The following SP4 variants were observed in gnomAD, a reference collection of about 807,000 sequenced individuals.
SP4 encodes transcription factor Sp4.
SP4 carries 19 observed loss-of-function variants against 72.8 expected under a neutral mutation model. That is an observed-to-expected ratio of 0.26 (90% CI 0.18 to 0.38). SP4 has a LOEUF of 0.38. Among genes scored for constraint, SP4 ranks in the 10% least tolerant of loss-of-function variants. SP4 has a pLI of 1.00. For synonymous variants in SP4, 395 were observed against 333.1 expected, an observed-to-expected ratio of 1.19 and a Z score of -2.02; for missense variants, 1,008 against 926.3, an observed-to-expected ratio of 1.09 and a Z score of -1.14.
chr7:21,507,074 A>G (rs907604175), intron 5 of SP4, among the ~76,000 whole-genome samples: 24 of 152,082 alleles, frequency 1.6e-4, no homozygotes, highest in African/African-American at 5.8e-4. Context: ...TTCTCTTCCT[A>G]TGAATAGGAT....
At chr7:21,495,207 A>G (rs1785077774) in intron 5 of SP4, among the ~76,000 whole-genome samples, 2 of 152,168 alleles carry the variant, frequency 1.3e-5, no homozygotes, top group South Asian at 4.1e-4. Context: ...CGAAAGTGTA[A>G]TCCATAAAAG....
intron 3 of SP4, among the ~76,000 whole-genome samples, chr7:21,461,505 C>A (rs57450186): frequency 6.6e-6 from 1 of 152,112 alleles, no homozygotes; most frequent in Non-Finnish European, 1.5e-5. Flanking sequence ...TGCCGGGGGC[C>A]AGCAGGGCCG....
chr7:21,509,042 T>C (rs1407942915), intron 5 of SP4, among the ~76,000 whole-genome samples: 1 of 152,152 alleles, frequency 6.6e-6, no homozygotes, highest in East Asian at 1.9e-4. Context: ...TCTATTTCAA[T>C]TTTTTTCTTC....
At chr7:21,428,631 C>T (rs1782712680) in intron 1 of SP4, 46 bp from the exon 2 acceptor site, 1 of 1,502,652 alleles carries the variant, frequency 6.7e-7, no homozygotes, top group Non-Finnish European at 9.0e-7. Context: ...AATAATAATC[C>T]TAATAACCTG....
At chr7:21,455,161 T>G (rs71526371) in intron 3 of SP4, among the ~76,000 whole-genome samples, 5,967 of 152,222 alleles carry the variant, frequency 0.039, 173 homozygotes, top group Non-Finnish European at 0.059. Context: ...GAATGTCCTG[T>G]TCCAGTGGCT....
At chr7:21,444,334 A>G (rs1233407677) in intron 3 of SP4, among the ~76,000 whole-genome samples, 10 of 152,212 alleles carry the variant, frequency 6.6e-5, no homozygotes, top group African/African-American at 2.4e-4. Context: ...TTTGTTTTAT[A>G]TTTTGGCTGA....
At chr7:21,479,966 T>G (rs923164979) in intron 4 of SP4, among the ~76,000 whole-genome samples, 5 of 142,948 alleles carry the variant, frequency 3.5e-5, no homozygotes, top group African/African-American at 1.3e-4. Flanking sequence ...GCTGAACTTT[T>G]TGATTAGTTA....
chr7:21,433,552 A>C (rs77585904), intron 3 of SP4, among the ~76,000 whole-genome samples: 1,829 of 152,318 alleles, frequency 0.012, 35 homozygotes, highest in African/African-American at 0.042. Flanking sequence ...AGAAAATAGC[A>C]CTTTGTAATT....
intron 3 of SP4, among the ~76,000 whole-genome samples, chr7:21,466,862 A>G (rs1047103904): frequency 1.3e-5 from 2 of 151,876 alleles, no homozygotes; most frequent in Non-Finnish European, 1.5e-5. Flanking sequence ...GTCACAGCCT[A>G]TTCCCAAATG....
intron 5 of SP4, among the ~76,000 whole-genome samples, chr7:21,505,798 A>G (rs1038914935): frequency 5.9e-5 from 9 of 152,190 alleles, no homozygotes; most frequent in African/African-American, 2.2e-4. Context: ...TGTAACATGC[A>G]GGGTTTTAAT....
Position 21,428,197 on chromosome 7 carries a change from C to T in SP4, c.-55C>T. 1.9e-6 allele frequency: 2 copies of T among 1,048,490 alleles called. No individual in the cohort carries two copies. The highest frequency in any genetic ancestry group is 2.8e-6 in the Non-Finnish European group (2 of 705,946). 64.9% of individuals were successfully genotyped at this position (1,048,490 alleles called of 1,614,324 possible). The stretch of plus-strand genomic sequence containing the variant: ...CCTCTCCTCCCGCCTCGCCCCCACC[C>T]CCACCCACCTCTATCCCAGTGTCTC... On this transcript the variant is annotated 5_prime_UTR_variant, in exon 1 of 6. Transcript: ENST00000222584.
In SP4 at chr7:21,430,020, G is replaced by A. The variant is rs746122476; in HGVS notation, c.855G>A (p.Gln285=). ...AAGGGTGQVG[Q]PAATADSGTS... is the part of the protein sequence containing the mutation. ...GAGGAGGGACTGGGCAGGTTGGCCAGCCTGCTGCTACTGCTGATAGTGGGA... is the reference window on the plus strand; with the variant it reads ...GAGGAGGGACTGGGCAGGTTGGCCAACCTGCTGCTACTGCTGATAGTGGGA... The change falls in exon 3 of 6, where the codon CAG becomes CAA. Residue 285 remains glutamine, a synonymous_variant. Transcript: ENST00000222584. The A allele has an allele frequency of 6.2e-7, 1 of 1,614,172 alleles. No homozygotes were observed. The highest frequency in any genetic ancestry group is 8.5e-7 in the Non-Finnish European group (1 of 1,180,012).
chr7:21,474,629 C>T (rs1333298207), intron 3 of SP4, among the ~76,000 whole-genome samples: 1 of 152,012 alleles, frequency 6.6e-6, no homozygotes, highest in African/African-American at 2.4e-5. Flanking sequence ...TAGCCTTTAC[C>T]CCTGGAAAAT....
In SP4 at chr7:21,428,179, T is replaced by TCCCCCCCCCCCCCCCCCCCCCCCC; in HGVS notation, c.-70_-69insCCCCCCCCCCCCCCCCCCCCCCCC. The stretch of plus-strand genomic sequence containing the variant: ...GCGGGCGGGCGGGACCGGCCTCTCC[T>TCCCCCCCCCCCCCCCCCCCCCCCC]CCCGCCTCGCCCCCACCCCCACCCA... On this transcript the variant is annotated 5_prime_UTR_variant, in exon 1 of 6. Coordinates refer to ENST00000222584, the MANE Select transcript of SP4 (RefSeq NM_003112.5). The TCCCCCCCCCCCCCCCCCCCCCCCC allele has an allele frequency of 1.7e-6, 1 of 600,794 alleles. No homozygotes were observed. Among genetic ancestry groups the TCCCCCCCCCCCCCCCCCCCCCCCC allele is most frequent in the Non-Finnish European group, 3.2e-6 (1 of 315,456 alleles). The allele number at this position is 600,794 out of a possible 1,614,324, so 37.2% of individuals were successfully genotyped here.
rs545699658 is a variant in SP4, at chr7:21,446,034, G to A, written c.1678+15191G>A. Among the ~76,000 whole-genome samples the A allele has an allele frequency of 3.7e-4, 50 of 135,412 alleles. 1 individual carries two copies. The highest frequency in any genetic ancestry group is 1.3e-3 in the African/African-American group (47 of 35,874). The allele number at this position is 135,412 out of a possible 152,430, so 88.8% of individuals were successfully genotyped here. On this transcript the variant is annotated intron_variant, in intron 3 of 5. Coordinates refer to ENST00000222584, the MANE Select transcript of SP4 (RefSeq NM_003112.5). ...TGTGTGTGTGTGTGTGTGTGTGCAC[G>A]CATATGTAGGTAGATATATATGTGT...
At chr7:21,470,933 T>C in intron 3 of SP4, 1 of 410,258 alleles carries the variant, frequency 2.4e-6, no homozygotes, top group South Asian at 2.0e-5. Context: ...ATTAAAAAAA[T>C]TATTTTACAA....
At chr7:21,445,263 G>T (rs949533981) in intron 3 of SP4, among the ~76,000 whole-genome samples, 1 of 152,042 alleles carries the variant, frequency 6.6e-6, no homozygotes, top group Non-Finnish European at 1.5e-5. Flanking sequence ...AATATACCTT[G>T]TAAGGCTTAA....
chr7:21,433,188 C>T (rs1229689394), intron 3 of SP4, among the ~76,000 whole-genome samples: 2 of 152,140 alleles, frequency 1.3e-5, no homozygotes, highest in East Asian at 3.9e-4. Context: ...ATGCTGAACA[C>T]TGCCAATAGG....
rs760577842 is a variant in SP4 at position 21,482,191 on chromosome 7, A to G, written c.2107+68A>G. 1.6e-4 allele frequency: 199 copies of G among 1,236,760 alleles called. 1 individual carries two copies. In the Middle Eastern group the frequency reaches 2.5e-3, roughly 16 times the overall value. 76.6% of individuals were successfully genotyped at this position (1,236,760 alleles called of 1,614,324 possible). A position where few individuals can be genotyped will look rare whatever the true frequency, so the allele number is the denominator to read the frequency against. On this transcript the variant is annotated intron_variant, in intron 5 of 5. Transcript: ENST00000222584. ...GTTTTTACATGAAAATTTTAGTGAT[A>G]GTTTAGCTATCAAATTGGAAATATG...
Sources: allele counts gnomAD v4.1 joint callset (sites outside exome capture counted in the v4.1 genomes callset), GRCh38; gene constraint gnomAD v4.1.1; transcripts MANE v1.5; gene names NCBI Gene and HGNC (gene_info 2026-07-23, HGNC 2026-07-21).